The following PALM2AKAP2 variants were observed in gnomAD, a reference collection of about 807,000 sequenced individuals.
PALM2AKAP2 encodes PALM2-AKAP2 fusion protein.
Under a neutral mutation model 71.5 loss-of-function variants are expected in PALM2AKAP2, and 37 were observed. That is an observed-to-expected ratio of 0.52 (90% CI 0.40 to 0.68). PALM2AKAP2 has a LOEUF of 0.68. Ranked by LOEUF, PALM2AKAP2 falls within the 30% of genes least tolerant of loss-of-function variation. PALM2AKAP2 has a pLI of 0.00. For missense variants in PALM2AKAP2, 1,224 were observed against 1,191.8 expected, an observed-to-expected ratio of 1.03 and a Z score of -0.40; for synonymous variants, 468 against 478.8, an observed-to-expected ratio of 0.98 and a Z score of 0.29.
chr9:109,919,352 TTTG>T (rs147830379), intron 3 of PALM2AKAP2, among the ~76,000 whole-genome samples: 15,895 of 152,266 alleles, frequency 0.1, 1,076 homozygotes, highest in African/African-American at 0.19. Context: ...GAAAAGGGAA[TTTG>T]TTGTTTTCAT....
chr9:109,826,192 C>T (rs938249426), intron 1 of PALM2AKAP2, among the ~76,000 whole-genome samples: 8 of 137,328 alleles, frequency 5.8e-5, no homozygotes, highest in Non-Finnish European at 1.1e-4. Flanking sequence ...GGAAGGGGAA[C>T]ATCACACACC....
chr9:110,021,040 A>T (rs1588062524), intron 7 of PALM2AKAP2, among the ~76,000 whole-genome samples: 1 of 152,190 alleles, frequency 6.6e-6, no homozygotes, highest in South Asian at 2.1e-4. Flanking sequence ...CAGGAGGCAG[A>T]TGTTGCAGTG....
intron 1 of PALM2AKAP2, among the ~76,000 whole-genome samples, chr9:109,717,252 TC>T (rs1191587652): frequency 2.0e-5 from 3 of 152,118 alleles, no homozygotes; most frequent in African/African-American, 7.2e-5. Context: ...ACTCTAAGGA[TC>T]CTTCTAGGGA....
chr9:110,137,738 A>G (rs1242221814), exon 2 of PALM2AKAP2: 10 of 1,614,094 alleles, frequency 6.2e-6, no homozygotes, highest in Non-Finnish European at 6.8e-6. Context: ...GGACAACATC[A>G]GTGACAGCGG....
chr9:109,869,056 G>C (rs1829533890), intron 2 of PALM2AKAP2, among the ~76,000 whole-genome samples: 2 of 152,190 alleles, frequency 1.3e-5, no homozygotes, highest in South Asian at 4.1e-4. Flanking sequence ...TGAATTTCTG[G>C]TTAAAGGTGA....
At chr9:109,855,135 C>A (rs1185205539) in intron 1 of PALM2AKAP2, among the ~76,000 whole-genome samples, 1 of 151,834 alleles carries the variant, frequency 6.6e-6, no homozygotes, top group African/African-American at 2.4e-5. Context: ...TGCAGTGGCA[C>A]AATCTCAGCT....
In PALM2AKAP2 at chr9:109,979,235, C is replaced by T. The variant is rs149546075; in HGVS notation, c.497-36719C>T. ...CTCAAACTCCTGACTTCAAGTGATC[C>T]GTCCACCTCGGCCTCCCAAAGTGCT... On this transcript the variant is annotated intron_variant, in intron 6 of 9. Transcript: ENST00000302798. 1.5e-3 allele frequency among the ~76,000 whole-genome samples: 233 copies of T among 152,276 alleles called. 1 individual carries two copies. The highest frequency in any genetic ancestry group is 5.1e-3 in the African/African-American group (210 of 41,564).
chr9:109,661,934 A>C (rs2132243163), intron 1 of PALM2AKAP2, among the ~76,000 whole-genome samples: 1 of 152,292 alleles, frequency 6.6e-6, no homozygotes, highest in East Asian at 1.9e-4. Context: ...AGCAATTGTG[A>C]ATGGGAGTTC....
intron 1 of PALM2AKAP2, among the ~76,000 whole-genome samples, chr9:109,832,317 A>G (rs983025173): frequency 6.6e-6 from 1 of 152,200 alleles, no homozygotes; most frequent in Non-Finnish European, 1.5e-5. Flanking sequence ...TAATGTTTCT[A>G]AGCCTCAGTT....
At chr9:110,135,566 T>C (rs1208330437) in intron 1 of PALM2AKAP2, among the ~76,000 whole-genome samples, 1 of 152,140 alleles carries the variant, frequency 6.6e-6, no homozygotes, top group Non-Finnish European at 1.5e-5. Context: ...GTGCAGTCAG[T>C]GGCTTTGGTG....
At chr9:110,063,059 G>A (rs375262365) in intron 1 of PALM2AKAP2, among the ~76,000 whole-genome samples, 4 of 152,148 alleles carry the variant, frequency 2.6e-5, no homozygotes, top group Non-Finnish European at 5.9e-5. Context: ...TTTTGTCTGT[G>A]CTATCTTATG....
chr9:109,954,668 A>T (rs1263662826), intron 6 of PALM2AKAP2, among the ~76,000 whole-genome samples: 1 of 148,998 alleles, frequency 6.7e-6, no homozygotes, highest in African/African-American at 2.5e-5. Context: ...TAAAAAAAAA[A>T]AAAAAAAAAA....
chr9:110,084,519 A>G (rs1246975120), intron 1 of PALM2AKAP2, among the ~76,000 whole-genome samples: 1 of 152,222 alleles, frequency 6.6e-6, no homozygotes. Flanking sequence ...GGTTGGTTCC[A>G]GGAGCTTCCT....
At chr9:109,900,757 C>T (rs758529848) in intron 3 of PALM2AKAP2, among the ~76,000 whole-genome samples, 7 of 152,138 alleles carry the variant, frequency 4.6e-5, no homozygotes, top group South Asian at 2.1e-4. Flanking sequence ...TCTGGACTGA[C>T]GTTTCTATTG....
intron 1 of PALM2AKAP2, among the ~76,000 whole-genome samples, chr9:109,722,394 G>T (rs575610254): frequency 1.3e-5 from 2 of 152,274 alleles, no homozygotes; most frequent in Admixed American, 1.3e-4. Context: ...GGTAACTGAG[G>T]AATAGGAGTG....
chr9:110,142,098 G>A (rs1836047988), intron 2 of PALM2AKAP2, among the ~76,000 whole-genome samples: 1 of 140,598 alleles, frequency 7.1e-6, no homozygotes, highest in African/African-American at 2.7e-5. Flanking sequence ...TTGAGGCAGA[G>A]TCTTGCTCTG....
exon 4 of PALM2AKAP2, chr9:110,169,697 G>A (rs933160941): frequency 2.6e-5 from 4 of 152,492 alleles, no homozygotes; most frequent in African/African-American, 7.2e-5. Flanking sequence ...ATATAGAATA[G>A]AAATAAGTGC....
chr9:109,932,406 G>A (rs535217172), intron 6 of PALM2AKAP2, among the ~76,000 whole-genome samples: 2 of 152,166 alleles, frequency 1.3e-5, no homozygotes, highest in Non-Finnish European at 2.9e-5. Flanking sequence ...AAGCTGGATG[G>A]GAAATATTTT....
intron 7 of PALM2AKAP2, among the ~76,000 whole-genome samples, chr9:110,022,388 C>A (rs1216911127): frequency 6.6e-6 from 1 of 152,092 alleles, no homozygotes; most frequent in African/African-American, 2.4e-5. Context: ...GCCCTGCTGG[C>A]CTTCCCATGG....
Sources: allele counts gnomAD v4.1 joint callset (sites outside exome capture counted in the v4.1 genomes callset), GRCh38; gene constraint gnomAD v4.1.1; transcripts MANE v1.5; gene names NCBI Gene and HGNC (gene_info 2026-07-23, HGNC 2026-07-21).